The following DNAAF6 variants were observed in gnomAD, a reference collection of about 807,000 sequenced individuals.
DNAAF6 encodes PIH1 domain containing 3.
A neutral mutation model predicts 13.7 loss-of-function variants in DNAAF6; 3 were observed. That is an observed-to-expected ratio of 0.22 (90% confidence interval 0.10 to 0.56). The LOEUF (loss-of-function observed/expected upper bound fraction) is 0.56, where lower values mean the gene tolerates loss of function less well. Ranked by LOEUF, DNAAF6 falls within the 20% of genes least tolerant of loss-of-function variation. The pLI, the probability that DNAAF6 is intolerant of heterozygous loss-of-function variation, is 0.92. For missense variants in DNAAF6, 130 were observed against 151.0 expected, an observed-to-expected ratio of 0.86 and a Z score of 0.73; for synonymous variants, 54 against 49.2, an observed-to-expected ratio of 1.10 and a Z score of -0.41.
At chrX:107,223,621 ATT>A (rs1208479750) in intron 5 of DNAAF6, among the ~76,000 whole-genome samples, 1 of 110,998 alleles carries the variant, frequency 9.0e-6, no homozygotes, top group Non-Finnish European at 1.9e-5. Context: ...CTTTGCTTCT[ATT>A]TTTTTTCCTC....
chrX:107,206,887 T>G (rs944009136), intron 1 of DNAAF6, among the ~76,000 whole-genome samples, 197 bp downstream of exon 1: 1 of 111,643 alleles, frequency 9.0e-6, no homozygotes, highest in African/African-American at 3.3e-5. Flanking sequence ...TATCCTAGAC[T>G]CTAGAAACAG....
chrX:107,222,663 C>A, intron 4 of DNAAF6, 82 bp from the exon 5 acceptor site: 1 of 1,110,819 alleles, frequency 9.0e-7, no homozygotes. Context: ...AATAGCATAT[C>A]CTCATAAGTT....
At chrX:107,231,639 G>T (rs1928400491) in intron 5 of DNAAF6, among the ~76,000 whole-genome samples, 1 of 110,303 alleles carries the variant, frequency 9.1e-6, no homozygotes, top group African/African-American at 3.3e-5. Context: ...ACAAATATTT[G>T]TTGAGTGCCT....
intron 5 of DNAAF6, among the ~76,000 whole-genome samples, chrX:107,236,383 T>C (rs1389601690): frequency 8.9e-6 from 1 of 112,020 alleles, no homozygotes; most frequent in African/African-American, 3.2e-5. Flanking sequence ...TTTAACAAGT[T>C]AGGTCTTGAG....
At chrX:107,206,824 G>C (rs1285364536) in intron 1 of DNAAF6, 134 bp downstream of exon 1, 1 of 111,258 alleles carries the variant, frequency 9.0e-6, no homozygotes, top group Non-Finnish European at 1.9e-5. Context: ...GGGCAAGGTG[G>C]AGAAGACCCG....
At chrX:107,240,859 A>G (rs1465548696) in intron 6 of DNAAF6, among the ~76,000 whole-genome samples, 8 of 111,913 alleles carry the variant, frequency 7.1e-5, no homozygotes, top group African/African-American at 2.6e-4. Flanking sequence ...ATGTGATAAT[A>G]ATAACACATT....
In DNAAF6 at chrX:107,206,648, G is replaced by T. The variant is rs1210707025; in HGVS notation, c.-46G>T. On this transcript the variant is annotated 5_prime_UTR_variant, in exon 1 of 7. Transcript: ENST00000372453. The stretch of plus-strand genomic sequence containing the variant: ...ACGGAGAGACGCCACGCTCTGCACA[G>T]TCTATTTTCGGAGCCTAGCCAGAGA... The T allele has an allele frequency of 9.0e-6, 1 of 111,340 alleles. No homozygotes were observed. The highest frequency in any genetic ancestry group is 2.8e-4 in the East Asian group (1 of 3,520). The allele number at this position is 111,340 out of a possible 1,213,427, so 9.2% of individuals were successfully genotyped here. A position where few individuals can be genotyped will look rare whatever the true frequency, so the allele number is the denominator to read the frequency against.
At chrX:107,237,211 C>A (rs757730916) in intron 5 of DNAAF6, among the ~76,000 whole-genome samples, 2 of 112,241 alleles carry the variant, frequency 1.8e-5, no homozygotes, top group African/African-American at 6.5e-5. Flanking sequence ...AAGCTTCTTA[C>A]AAGAAATCTC....
At chrX:107,223,021 A>G (rs1391007850) in intron 5 of DNAAF6, among the ~76,000 whole-genome samples, 180 bp downstream of exon 5, 1 of 112,330 alleles carries the variant, frequency 8.9e-6, no homozygotes, top group Non-Finnish European at 1.9e-5. Flanking sequence ...GTACAAAATA[A>G]ACTAAGTTTA....
intron 5 of DNAAF6, among the ~76,000 whole-genome samples, chrX:107,231,752 T>C (rs772789295): frequency 1.8e-5 from 2 of 112,002 alleles, no homozygotes; most frequent in African/African-American, 6.5e-5. Context: ...TTTGAAATTA[T>C]AAAAATATTT....
At chrX:107,240,438 G>C (rs1440785751) in intron 6 of DNAAF6, among the ~76,000 whole-genome samples, 1 of 111,695 alleles carries the variant, frequency 9.0e-6, no homozygotes, top group East Asian at 2.8e-4. Flanking sequence ...TTGTTTTCGA[G>C]TTTATTGATA....
intron 3 of DNAAF6, among the ~76,000 whole-genome samples, chrX:107,218,373 G>A (rs926721885): frequency 8.9e-6 from 1 of 111,835 alleles, no homozygotes; most frequent in South Asian, 3.7e-4. Context: ...ATATCAAAGC[G>A]TTTTTATATA....
At chrX:107,208,683 G>T (rs2147824533) in intron 1 of DNAAF6, among the ~76,000 whole-genome samples, 1 of 109,054 alleles carries the variant, frequency 9.2e-6, no homozygotes, top group East Asian at 3.0e-4. Flanking sequence ...GATTACAGGT[G>T]CGTGCCACTA....
intron 1 of DNAAF6, among the ~76,000 whole-genome samples, chrX:107,209,398 T>C (rs1280791458): frequency 2.7e-5 from 3 of 112,200 alleles, no homozygotes; most frequent in Non-Finnish European, 5.6e-5. Context: ...ATATATCTAT[T>C]TACTTAAACA....
At chrX:107,221,307 C>T (rs959401741) in intron 4 of DNAAF6, among the ~76,000 whole-genome samples, 4 of 109,711 alleles carry the variant, frequency 3.6e-5, no homozygotes, top group Admixed American at 2.9e-4. Context: ...AACCACCGCC[C>T]CCCCGGCCCC....
chrX:107,242,117 G>A (rs750406020), intron 6 of DNAAF6, among the ~76,000 whole-genome samples: 3 of 111,370 alleles, frequency 2.7e-5, no homozygotes, highest in Admixed American at 1.9e-4. Context: ...TTGCCACTAC[G>A]TTTGGCAACG....
At chrX:107,232,147 T>C (rs1928416597) in intron 5 of DNAAF6, among the ~76,000 whole-genome samples, 1 of 112,400 alleles carries the variant, frequency 8.9e-6, no homozygotes, top group African/African-American at 3.2e-5. Flanking sequence ...CATAAGCCAC[T>C]GTGTCTGGCC....
intron 5 of DNAAF6, among the ~76,000 whole-genome samples, chrX:107,233,038 C>T (rs918124430): frequency 9.0e-6 from 1 of 111,382 alleles, no homozygotes. Context: ...ACCACACCCA[C>T]ACTAGAAAGG....
rs182674204 is a variant in DNAAF6 at position 107,222,431 on chromosome X, T to C, written c.333-314T>C. On this transcript the variant is annotated intron_variant, in intron 4 of 6. Transcript: ENST00000372453. ...TTTTTCAGGAACAGACTTTCCTTTT[T>C]TTTCTTCTGCTTTTAATCTTATTAG... 1.0e-3 allele frequency among the ~76,000 whole-genome samples: 113 copies of C among 111,968 alleles called. No homozygotes were observed. In the Middle Eastern group the frequency reaches 0.018, roughly 18 times the overall value.
Sources: gnomAD v4.1 joint callset for allele counts (sites outside exome capture counted in the v4.1 genomes callset) on GRCh38, gnomAD v4.1.1 for gene constraint, MANE v1.5 for transcripts, NCBI Gene and HGNC (gene_info 2026-07-23, HGNC 2026-07-21) for gene names.